Variants in APTX observed in about 807,000 individuals in gnomAD.
APTX encodes aprataxin.
Under a neutral mutation model 42.3 loss-of-function variants are expected in APTX, and 33 were observed. That is an observed-to-expected ratio of 0.78 (90% CI 0.59 to 1.04). The LOEUF (loss-of-function observed/expected upper bound fraction) is 1.04, where lower values mean the gene tolerates loss of function less well. Ranked by LOEUF, APTX falls within the 50% of genes least tolerant of loss-of-function variation. The pLI is 0.00. For missense variants in APTX, 421 were observed against 415.1 expected (o/e 1.01, Z -0.12); for synonymous variants, 130 against 146.7 (o/e 0.89, Z 0.82).
chr9:32,990,431 C>A (rs1450581514), intron 1 of APTX, among the ~76,000 whole-genome samples: 1 of 152,090 alleles, frequency 6.6e-6, no homozygotes, highest in African/African-American at 2.4e-5. Context: ...CCTCTGCCTC[C>A]CAAAGTGCTG....
intron 1 of APTX, chr9:33,016,015 C>A (rs535364319): frequency 7.2e-5 from 11 of 152,154 alleles, no homozygotes; most frequent in Non-Finnish European, 1.3e-4. Context: ...GATGTATATA[C>A]ACAAAATGTT....
chr9:32,993,872 C>T (rs1834225221), intron 1 of APTX, among the ~76,000 whole-genome samples: 2 of 152,056 alleles, frequency 1.3e-5, no homozygotes, highest in African/African-American at 4.8e-5. Context: ...GGGTGCATTA[C>T]CACACCTGAC....
At chr9:32,991,493 G>A (rs1288046282) in intron 1 of APTX, among the ~76,000 whole-genome samples, 1 of 152,002 alleles carries the variant, frequency 6.6e-6, no homozygotes, top group African/African-American at 2.4e-5. Flanking sequence ...AGGAATAAAA[G>A]GACACACTGG....
chr9:33,008,935 A>C (rs1837347230), intron 1 of APTX, among the ~76,000 whole-genome samples: 1 of 152,218 alleles, frequency 6.6e-6, no homozygotes, highest in African/African-American at 2.4e-5. Flanking sequence ...TCTGTTCTAT[A>C]CATTACAGTG....
At position 32,972,955 on chromosome 9, in the gene APTX, A is replaced by C. The variant is rs780379330; in HGVS notation, c.*543T>G. 3 of 454,016 alleles carry C rather than the reference A, an allele frequency of 6.6e-6. No homozygotes were observed. Among genetic ancestry groups the C allele is most frequent in the Non-Finnish European group, 1.3e-5 (3 of 226,800 alleles). 28.1% of individuals were successfully genotyped at this position (454,016 alleles called of 1,614,324 possible). A position where few individuals can be genotyped will look rare whatever the true frequency, so the allele number is the denominator to read the frequency against. ...GAGACAGAATTCCTGAGAAGGGAAC[A>C]TTTAGGTAATCTGGGATAGAAGGGC... On this transcript the variant is annotated 3_prime_UTR_variant, in exon 8 of 8. Transcript: ENST00000379817.
At chr9:33,012,454 T>G (rs534254782) in intron 1 of APTX, among the ~76,000 whole-genome samples, 102 of 152,296 alleles carry the variant, frequency 6.7e-4, no homozygotes, top group Middle Eastern at 3.4e-3. Flanking sequence ...GACTGGCTTT[T>G]GCCAATGGGA....
At chr9:33,017,787 T>C (rs746733210) in intron 1 of APTX, among the ~76,000 whole-genome samples, 17 of 152,146 alleles carry the variant, frequency 1.1e-4, no homozygotes, top group Non-Finnish European at 2.1e-4. Flanking sequence ...GTTTTTTTAT[T>C]GAGGCTTCAT....
intron 1 of APTX, among the ~76,000 whole-genome samples, chr9:33,018,853 C>T (rs1446495972): frequency 6.6e-6 from 1 of 152,142 alleles, no homozygotes; most frequent in Non-Finnish European, 1.5e-5. Context: ...CGCTCCAGCC[C>T]AGGCAACAGT....
At chr9:32,996,930 T>C (rs1387752723) in intron 1 of APTX, among the ~76,000 whole-genome samples, 1 of 152,246 alleles carries the variant, frequency 6.6e-6, no homozygotes, top group Non-Finnish European at 1.5e-5. Flanking sequence ...CTAGGCACTA[T>C]GCTAAATGTC....
chr9:33,011,137 C>T (rs185801287), intron 1 of APTX, among the ~76,000 whole-genome samples: 5 of 148,158 alleles, frequency 3.4e-5, no homozygotes, highest in African/African-American at 1.0e-4. Context: ...AGTGAGACTC[C>T]GTCTCAAAAA....
chr9:32,997,514 T>C (rs1302123166), intron 1 of APTX, among the ~76,000 whole-genome samples: 1 of 152,096 alleles, frequency 6.6e-6, no homozygotes, highest in Non-Finnish European at 1.5e-5. Context: ...CTAAACTTTA[T>C]AACTGAGTCC....
intron 1 of APTX, among the ~76,000 whole-genome samples, chr9:32,993,280 T>C (rs1482620342): frequency 6.6e-6 from 1 of 152,216 alleles, no homozygotes; most frequent in African/African-American, 2.4e-5. Context: ...ACAACAGTTA[T>C]GTAACCAACC....
chr9:33,022,130 A>G (rs1838432407), intron 1 of APTX, among the ~76,000 whole-genome samples: 1 of 152,042 alleles, frequency 6.6e-6, no homozygotes. Flanking sequence ...AAATCTTTAT[A>G]TGGCCGAAAA....
At chr9:32,998,029 G>A (rs1835369199) in intron 1 of APTX, among the ~76,000 whole-genome samples, 1 of 152,168 alleles carries the variant, frequency 6.6e-6, no homozygotes, top group Admixed American at 6.5e-5. Flanking sequence ...AGATGGAGAA[G>A]ACTGCACAGA....
Position 32,985,983 on chromosome 9 carries a change from G to A in APTX, c.531C>T (p.Asp177=). 2 of 1,598,608 alleles carry A rather than the reference G, an allele frequency of 1.3e-6. No individual in the cohort carries two copies. Among genetic ancestry groups the A allele is most frequent in the Non-Finnish European group, 1.7e-6 (2 of 1,175,166 alleles). ...ATTGTATTCTGACCTGCATTTTGGG[G>A]TCCTGCATAGAAATCTTCAAGCCTT... ...WSQGLKISMQ[D]PKMQVYKDEQ... The change falls in exon 5 of 8, where the codon GAC becomes GAT. Residue 177 remains aspartate (D), a synonymous_variant. Transcript: ENST00000379817.
At chr9:33,000,959 T>C (rs971187644) in intron 1 of APTX, among the ~76,000 whole-genome samples, 1 of 147,664 alleles carries the variant, frequency 6.8e-6, no homozygotes, top group Non-Finnish European at 1.5e-5. Flanking sequence ...GAACGTCTCC[T>C]GCCTCACCCT....
rs1464865878 is a variant in APTX, at chr9:32,986,032, TAAAAAAAAAACAAAAAAAAAAACA to T, written c.484-26_484-3del. On this transcript the variant is annotated splice_polypyrimidine_tract_variant and splice_region_variant and intron_variant, in intron 4 of 7. Coordinates refer to ENST00000379817, the MANE Select transcript of APTX (RefSeq NM_001195248.2). ...TTGACTCCAGTGGCCCAGGGATTCC[TAAAAAAAAAACAAAAAAAAAAACA>T]AAAAAAAAAAAAAACAAGCAATGTA... is the stretch of plus-strand genomic sequence containing the variant. 181 of 731,652 alleles carry T rather than the reference TAAAAAAAAAACAAAAAAAAAAACA, an allele frequency of 2.5e-4. No individual in the cohort carries two copies. The highest frequency in any genetic ancestry group is 2.1e-3 in the African/African-American group (43 of 20,612). The allele number at this position is 731,652 out of a possible 1,614,324, so 45.3% of individuals were successfully genotyped here. A position where few individuals can be genotyped will look rare whatever the true frequency, so the allele number is the denominator to read the frequency against.
intron 1 of APTX, among the ~76,000 whole-genome samples, chr9:33,023,217 T>C (rs12236372): frequency 0.04 from 6,021 of 151,724 alleles, 150 homozygotes; most frequent in East Asian, 0.11. Flanking sequence ...CCACGACTTA[T>C]GTGATTTTTT....
chr9:33,024,567 G>A (rs1278381169), intron 1 of APTX, among the ~76,000 whole-genome samples: 1 of 152,108 alleles, frequency 6.6e-6, no homozygotes, highest in African/African-American at 2.4e-5. Flanking sequence ...AGGAGTCCAC[G>A]GCCCTCTGTA....
Sources: allele counts gnomAD v4.1 joint callset (sites outside exome capture counted in the v4.1 genomes callset), GRCh38; gene constraint gnomAD v4.1.1; transcripts MANE v1.5; gene names NCBI Gene and HGNC (gene_info 2026-07-23, HGNC 2026-07-21).